Variants in SCAI observed in about 807,000 individuals in gnomAD.
SCAI encodes protein SCAI.
Under a neutral mutation model 92.2 loss-of-function variants are expected in SCAI, and 24 were observed. That is an observed-to-expected ratio of 0.26 (90% confidence interval 0.19 to 0.37). SCAI has a LOEUF of 0.37. Among genes scored for constraint, SCAI ranks in the 10% least tolerant of loss-of-function variants. The pLI is 1.00. For synonymous variants in SCAI, 261 were observed against 258.6 expected, an observed-to-expected ratio of 1.01 and a Z score of -0.09; for missense variants, 450 against 736.2, an observed-to-expected ratio of 0.61 and a Z score of 4.50.
intron 4 of SCAI, 62 bp from the exon 5 acceptor site, chr9:125,028,540 C>T: frequency 1.2e-6 from 1 of 842,430 alleles, no homozygotes; most frequent in Non-Finnish European, 1.8e-6. Flanking sequence ...CTAATCAAAT[C>T]TGTAAATTCA....
intron 6 of SCAI, among the ~76,000 whole-genome samples, chr9:125,023,296 G>T (rs912727662): frequency 1.3e-5 from 2 of 152,078 alleles, no homozygotes; most frequent in Non-Finnish European, 2.9e-5. Context: ...CCACAGCCAT[G>T]GGAAAATGAA....
intron 3 of SCAI, 73 bp from the exon 4 acceptor site, chr9:125,029,812 C>T (rs2131088454): frequency 1.2e-6 from 1 of 813,566 alleles, no homozygotes. Flanking sequence ...TGTGATGGTA[C>T]AAACCAGACA....
At chr9:125,143,347 C>T in intron 1 of SCAI, 38 bp downstream of exon 1, 2 of 1,256,628 alleles carry the variant, frequency 1.6e-6, no homozygotes, top group Middle Eastern at 3.0e-4. Context: ...CTGGCCCCCA[C>T]CCCATCCCCA....
chr9:125,010,024 C>T (rs1159596318), intron 9 of SCAI, among the ~76,000 whole-genome samples: 3 of 152,204 alleles, frequency 2.0e-5, no homozygotes, highest in Non-Finnish European at 4.4e-5. Context: ...GAAACCCTGT[C>T]TCTACTAAAA....
chr9:125,062,715 A>C (rs1468899664), intron 2 of SCAI, among the ~76,000 whole-genome samples: 2 of 149,962 alleles, frequency 1.3e-5, no homozygotes, highest in African/African-American at 4.9e-5. Context: ...AAATTGCAAA[A>C]CAAACAAACA....
chr9:125,123,157 T>G (rs1247993966), intron 2 of SCAI, among the ~76,000 whole-genome samples: 1 of 151,758 alleles, frequency 6.6e-6, no homozygotes. Context: ...TGCTCAGGAG[T>G]TCAAGACCAG....
At chr9:124,994,835 A>T in intron 14 of SCAI, 99 bp downstream of exon 14, 2 of 681,708 alleles carry the variant, frequency 2.9e-6, no homozygotes, top group Non-Finnish European at 5.0e-6. Flanking sequence ...GTGTAAAATT[A>T]AATAAAATAA....
At chr9:124,969,326 AT>A (rs942941138) in intron 17 of SCAI, among the ~76,000 whole-genome samples, 1 of 152,144 alleles carries the variant, frequency 6.6e-6, no homozygotes, top group Non-Finnish European at 1.5e-5. Context: ...GCTGCAAAAT[AT>A]TTTTTTAACT....
At chr9:125,051,638 CCATA>C (rs1181912986) in intron 3 of SCAI, among the ~76,000 whole-genome samples, 1 of 151,928 alleles carries the variant, frequency 6.6e-6, no homozygotes, top group Non-Finnish European at 1.5e-5. Context: ...CACATGTACC[CCATA>C]CATATGTAAA....
intron 2 of SCAI, among the ~76,000 whole-genome samples, chr9:125,108,777 G>T (rs1488001977): frequency 6.6e-6 from 1 of 152,018 alleles, no homozygotes; most frequent in South Asian, 2.1e-4. Flanking sequence ...TCCGGGAGGT[G>T]GGGGGCGCCT....
intron 15 of SCAI, chr9:124,975,283 G>A: frequency 2.2e-6 from 1 of 454,224 alleles, no homozygotes; most frequent in Non-Finnish European, 4.4e-6. Flanking sequence ...CTTCTCTCAG[G>A]CATTCAAATG....
intron 14 of SCAI, among the ~76,000 whole-genome samples, chr9:124,981,200 T>G (rs1412655139): frequency 6.6e-6 from 1 of 152,232 alleles, no homozygotes; most frequent in African/African-American, 2.4e-5. Flanking sequence ...GAATTTTGTA[T>G]GTTTGTCCTA....
At chr9:125,136,377 G>C (rs1433671353) in intron 2 of SCAI, among the ~76,000 whole-genome samples, 1 of 150,456 alleles carries the variant, frequency 6.6e-6, no homozygotes, top group Non-Finnish European at 1.5e-5. Context: ...AATTCATCTT[G>C]AAGTGTTTAC....
intron 2 of SCAI, among the ~76,000 whole-genome samples, chr9:125,138,275 G>T (rs1588257827): frequency 8.4e-6 from 1 of 119,064 alleles, no homozygotes. Context: ...TTTTTTTGGA[G>T]ACAGAGTTTC....
chr9:124,966,375 T>C (rs921057043), intron 17 of SCAI, among the ~76,000 whole-genome samples: 2 of 152,050 alleles, frequency 1.3e-5, no homozygotes, highest in African/African-American at 4.8e-5. Context: ...ATGTCCTTTG[T>C]AGGGACATGG....
At chr9:125,012,693 C>T (rs909222673) in intron 9 of SCAI, among the ~76,000 whole-genome samples, 4 of 152,174 alleles carry the variant, frequency 2.6e-5, no homozygotes, top group Non-Finnish European at 4.4e-5. Context: ...TAGACATCTA[C>T]AGAACTCTCC....
At chr9:124,954,334 C>T (rs1831281174) in intron 17 of SCAI, among the ~76,000 whole-genome samples, 1 of 152,028 alleles carries the variant, frequency 6.6e-6, no homozygotes, top group Non-Finnish European at 1.5e-5. Context: ...AAAACCACTG[C>T]CAAGATAATT....
At chr9:125,114,233 GGTT>G (rs1834991518) in intron 2 of SCAI, among the ~76,000 whole-genome samples, 2 of 152,150 alleles carry the variant, frequency 1.3e-5, no homozygotes, top group South Asian at 4.1e-4. Flanking sequence ...TGGTGAAGCT[GGTT>G]GTTAGTAGTC....
In SCAI at chr9:124,946,760, C is replaced by T. The variant is rs1041708247; in HGVS notation, c.*6047G>A. On this transcript the variant is annotated 3_prime_UTR_variant, in exon 18 of 18. Transcript: ENST00000336505. This position sits in a 1 kb window ranked among gnomAD's most constrained non-coding sequence, Gnocchi z 4.0. The stretch of plus-strand genomic sequence containing the variant: ...CACCATGCATCTAATATTAAAAACT[C>T]TACTTCATGTGCGAATATATCATCA... The T allele has an allele frequency of 2.6e-5, 4 of 152,296 alleles. No individual in the cohort carries two copies. Among genetic ancestry groups the T allele is most frequent in the Admixed American group, 6.5e-5 (1 of 15,292 alleles). 9.4% of individuals were successfully genotyped at this position (152,296 alleles called of 1,614,324 possible).
Sources: gnomAD v4.1 joint callset for allele counts (sites outside exome capture counted in the v4.1 genomes callset) on GRCh38, gnomAD v4.1.1 for gene constraint, Gnocchi (gnomAD v3.1) non-coding constraint, MANE v1.5 for transcripts, NCBI Gene and HGNC (gene_info 2026-07-23, HGNC 2026-07-21) for gene names.